Variants in UBXN2A observed in about 807,000 individuals in gnomAD.
UBXN2A encodes the protein UBX domain protein 2A, also known as UBX domain-containing protein 2A.
In UBXN2A, 28 loss-of-function variants were observed where a neutral mutation model predicts 28.4. That is an observed-to-expected ratio of 0.99 (90% CI 0.73 to 1.35). The LOEUF (loss-of-function observed/expected upper bound fraction) is 1.35. Ranked by LOEUF, UBXN2A falls within the 40% of genes most tolerant of loss-of-function variation. UBXN2A has a pLI of 0.00. For missense variants in UBXN2A, 253 were observed against 297.9 expected, an observed-to-expected ratio of 0.85 and a Z score of 1.11; for synonymous variants, 97 against 103.6, an observed-to-expected ratio of 0.94 and a Z score of 0.39.
intron 5 of UBXN2A, 46 bp from the exon 6 acceptor site, chr2:23,984,627 T>C (rs755665862): frequency 2.2e-6 from 3 of 1,390,366 alleles, no homozygotes; most frequent in Non-Finnish European, 2.8e-6. Flanking sequence ...AATAAAGTTT[T>C]ATTGAATGGA....
At chr2:23,927,916 C>T (rs989948895) in intron 1 of UBXN2A, among the ~76,000 whole-genome samples, 1 of 152,002 alleles carries the variant, frequency 6.6e-6, no homozygotes, top group African/African-American at 2.4e-5. Flanking sequence ...TGGCTCAAGC[C>T]TGTAATCCCA....
At chr2:23,990,564 G>A (rs1279892888) in intron 6 of UBXN2A, among the ~76,000 whole-genome samples, 2 of 150,990 alleles carry the variant, frequency 1.3e-5, no homozygotes, top group African/African-American at 2.4e-5. Flanking sequence ...ACTTGAGGTC[G>A]GAAGTTCAAG....
At chr2:23,991,714 C>A (rs1708360012) in intron 6 of UBXN2A, among the ~76,000 whole-genome samples, 1 of 152,072 alleles carries the variant, frequency 6.6e-6, no homozygotes, top group South Asian at 2.1e-4. Context: ...TCAGGTGGTC[C>A]GCTCACCTTG....
intron 4 of UBXN2A, chr2:23,977,348 C>CGGG (rs371245447): frequency 3.1e-4 from 1 of 3,270 alleles, no homozygotes. Context: ...AGGCGGGGGT[C>CGGG]GGGGGGGTGG....
intron 6 of UBXN2A, among the ~76,000 whole-genome samples, chr2:23,988,744 A>AGATT (rs3030907): frequency 6.6e-6 from 1 of 152,108 alleles, no homozygotes; most frequent in South Asian, 2.1e-4. Flanking sequence ...ACAAGACCTC[A>AGATT]GATTGATTGA....
chr2:23,980,689 A>G (rs542564483), intron 4 of UBXN2A, among the ~76,000 whole-genome samples: 1 of 152,206 alleles, frequency 6.6e-6, no homozygotes, highest in East Asian at 1.9e-4. Flanking sequence ...GTGCAGTGGC[A>G]TGATCTCGGC....
intron 2 of UBXN2A, among the ~76,000 whole-genome samples, chr2:23,964,040 G>C (rs1388642589): frequency 1.3e-5 from 2 of 151,876 alleles, no homozygotes; most frequent in Non-Finnish European, 2.9e-5. Context: ...GCTGAGACAG[G>C]AGGATCGTTT....
At chr2:23,972,774 A>G (rs1707471819) in intron 3 of UBXN2A, among the ~76,000 whole-genome samples, 2 of 152,096 alleles carry the variant, frequency 1.3e-5, no homozygotes, top group South Asian at 4.1e-4. Context: ...GTGAGTTGAG[A>G]TTGCGCCACT....
At chr2:23,942,134 G>T (rs1705791893) in intron 1 of UBXN2A, among the ~76,000 whole-genome samples, 1 of 152,120 alleles carries the variant, frequency 6.6e-6, no homozygotes, top group African/African-American at 2.4e-5. Flanking sequence ...AGCAAAGACA[G>T]AGGCTAAAAT....
chr2:23,962,272 C>G (rs190813696), intron 2 of UBXN2A, among the ~76,000 whole-genome samples: 3 of 152,194 alleles, frequency 2.0e-5, no homozygotes, highest in Admixed American at 2.0e-4. Flanking sequence ...ACAGCTAATT[C>G]ATAACCTTAT....
At chr2:23,953,546 G>A (rs988737843) in intron 1 of UBXN2A, among the ~76,000 whole-genome samples, 8 of 152,068 alleles carry the variant, frequency 5.3e-5, no homozygotes, top group South Asian at 2.1e-4. Flanking sequence ...CAGATATCCC[G>A]TCACTATTCA....
chr2:23,944,216 C>G lies in UBXN2A; in HGVS notation c.-15+3568C>G, dbSNP rs1705920430. ...CTAAGTTTGCACTCGTCTTCCCTCT[C>G]ATGTATCATACCTGGAATGGGATCC... On this transcript the variant is annotated intron_variant, in intron 1 of 6. Coordinates refer to ENST00000309033, the MANE Select transcript of UBXN2A (RefSeq NM_181713.4). 7.0e-6 allele frequency: 11 copies of G among 1,570,700 alleles called. No individual in the cohort carries two copies. In the South Asian group the frequency reaches 1.1e-4, roughly 16 times the overall value.
Position 23,982,999 on chromosome 2 carries a change from C to T in UBXN2A, c.391C>T (p.Gln131Ter), listed in dbSNP as rs770978306. 2 of 1,609,448 alleles carry T rather than the reference C, an allele frequency of 1.2e-6. No individual in the cohort carries two copies. Among genetic ancestry groups the T allele is most frequent in the Non-Finnish European group, 1.7e-6 (2 of 1,177,640 alleles). ...ATGTTTGTCTACGAAGCCTGTGTTC[C>T]AGCCCTTTTCAGGACAGGGTCACAG... is the stretch of plus-strand genomic sequence containing the variant. ...EICLSTKPVF[Q>*]PFSGQGHRLG... is the part of the protein sequence containing the mutation. The change falls in exon 5 of 7, where the codon CAG becomes TAG. Residue 131 changes from glutamine (Q) to a stop codon, truncating the protein, a stop_gained. Coordinates refer to ENST00000309033, the MANE Select transcript of UBXN2A (RefSeq NM_181713.4). LOFTEE classifies it high-confidence loss of function.
At chr2:23,977,132 G>T (rs1318586945) in intron 4 of UBXN2A, 57 bp downstream of exon 4, 2 of 1,401,964 alleles carry the variant, frequency 1.4e-6, no homozygotes, top group East Asian at 4.6e-5. Flanking sequence ...GGCAGGCTGT[G>T]GCGAGAGGAT....
At chr2:23,928,177 G>GA (rs200494081) in intron 1 of UBXN2A, among the ~76,000 whole-genome samples, 11,910 of 92,712 alleles carry the variant, frequency 0.13, 563 homozygotes, top group Middle Eastern at 0.24. Context: ...CCCTGTCTCA[G>GA]AAAAAAAAAA....
intron 6 of UBXN2A, among the ~76,000 whole-genome samples, chr2:23,996,372 A>C (rs1310466862): frequency 1.4e-5 from 2 of 145,270 alleles, no homozygotes; most frequent in African/African-American, 2.6e-5. Context: ...CAGCCCTCTT[A>C]ATGTCTTTTT....
intron 1 of UBXN2A, among the ~76,000 whole-genome samples, chr2:23,956,388 T>G (rs1392872302): frequency 6.6e-6 from 1 of 152,132 alleles, no homozygotes; most frequent in African/African-American, 2.4e-5. Flanking sequence ...TCACTAACTC[T>G]GTCACCAGAG....
chr2:23,988,315 C>T (rs1442380995), intron 6 of UBXN2A, among the ~76,000 whole-genome samples: 2 of 152,062 alleles, frequency 1.3e-5, no homozygotes, highest in Non-Finnish European at 1.5e-5. Flanking sequence ...ACTAATAGAC[C>T]CTAATTCAGG....
chr2:23,947,275 A>G (rs1316518676), intron 1 of UBXN2A, among the ~76,000 whole-genome samples: 2 of 152,112 alleles, frequency 1.3e-5, no homozygotes, highest in Non-Finnish European at 2.9e-5. Context: ...GTTCCATAAA[A>G]CTCAGTCTTC....
Sources: allele counts gnomAD v4.1 joint callset (sites outside exome capture counted in the v4.1 genomes callset), GRCh38; gene constraint gnomAD v4.1.1; transcripts MANE v1.5; gene names NCBI Gene and HGNC (gene_info 2026-07-23, HGNC 2026-07-21).